The following ROR2 variants were observed in gnomAD, a reference collection of about 807,000 sequenced individuals.
ROR2 encodes the protein ROR family WNT receptor 2, also known as tyrosine-protein kinase transmembrane receptor ROR2.
Under a neutral mutation model 74.9 loss-of-function variants are expected in ROR2, and 33 were observed. The ratio of observed to expected loss-of-function variants is 0.44; its 90% CI spans 0.33 to 0.59. The LOEUF (loss-of-function observed/expected upper bound fraction) is 0.59, where lower values mean the gene tolerates loss of function less well. ROR2 is among the 20% of genes least tolerant of loss of function. The pLI is 0.02. For missense variants in ROR2, 1,216 were observed against 1,313.8 expected, an observed-to-expected ratio of 0.93 and a Z score of 1.15; for synonymous variants, 586 against 558.7, an observed-to-expected ratio of 1.05 and a Z score of -0.69.
At chr9:91,819,729 T>C (rs1431489044) in intron 1 of ROR2, among the ~76,000 whole-genome samples, 3 of 151,552 alleles carry the variant, frequency 2.0e-5, no homozygotes, top group Non-Finnish European at 4.4e-5. Context: ...CTTTTGAGTA[T>C]GTATCTGTGT....
intron 1 of ROR2, among the ~76,000 whole-genome samples, chr9:91,825,765 G>A (rs1226238977): frequency 6.6e-6 from 1 of 152,108 alleles, no homozygotes; most frequent in Non-Finnish European, 1.5e-5. Context: ...GTGGGGGAGG[G>A]TAGGATGGAC....
chr9:91,873,181 A>C (rs1418725406), intron 1 of ROR2, among the ~76,000 whole-genome samples: 2 of 129,838 alleles, frequency 1.5e-5, no homozygotes. Flanking sequence ...CTTGAACTTA[A>C]CATAAAACTG....
At chr9:91,767,506 A>C (rs1826095986) in intron 2 of ROR2, among the ~76,000 whole-genome samples, 1 of 152,224 alleles carries the variant, frequency 6.6e-6, no homozygotes, top group South Asian at 2.1e-4. Flanking sequence ...TACATATTAG[A>C]GATCATGAGG....
chr9:91,889,880 G>T (rs960221405), intron 1 of ROR2, among the ~76,000 whole-genome samples: 2 of 152,284 alleles, frequency 1.3e-5, no homozygotes, highest in East Asian at 1.9e-4. Flanking sequence ...ACAGCAAAAG[G>T]CTCCAGAATA....
chr9:91,924,173 G>T (rs1172930224), intron 1 of ROR2, among the ~76,000 whole-genome samples: 1 of 152,226 alleles, frequency 6.6e-6, no homozygotes. Flanking sequence ...TTGAGGGCAA[G>T]GTCTTTGTCC....
chr9:91,911,933 CAAAAAAAAAA>C (rs747087662), intron 1 of ROR2, among the ~76,000 whole-genome samples: 9 of 76,396 alleles, frequency 1.2e-4, no homozygotes, highest in Non-Finnish European at 1.8e-4. Context: ...TGAGTCTAAG[CAAAAAAAAAA>C]AAAAAAAAAA....
At chr9:91,876,277 G>A (rs190405513) in intron 1 of ROR2, among the ~76,000 whole-genome samples, 1 of 152,126 alleles carries the variant, frequency 6.6e-6, no homozygotes, top group East Asian at 1.9e-4. Flanking sequence ...ACTGAGGCAG[G>A]AGAATCACTT....
chr9:91,898,016 C>T (rs1329377282), intron 1 of ROR2, among the ~76,000 whole-genome samples: 6 of 152,152 alleles, frequency 3.9e-5, no homozygotes, highest in Non-Finnish European at 8.8e-5. Flanking sequence ...CCATCCTGAC[C>T]TTGCCACGGC....
chr9:91,724,572 T>G lies in ROR2; in HGVS notation c.1922A>C (p.Tyr641Ser). The G allele has an allele frequency of 6.2e-7, 1 of 1,614,212 alleles. No individual in the cohort carries two copies. The highest frequency in any genetic ancestry group is 8.5e-7 in the Non-Finnish European group (1 of 1,180,036). Residue 641 changes from tyrosine to serine, a missense_variant, in exon 9 of 9, where the codon TAT becomes TCT. Tyr to Ser is a moderately radical substitution (Grantham distance 144). Coordinates refer to ENST00000375708, the MANE Select transcript of ROR2 (RefSeq NM_004560.4). ...ISDLGLFREVYAADYYKLLGN... is the reference protein window; with the variant it reads ...ISDLGLFREVSAADYYKLLGN... The stretch of plus-strand genomic sequence containing the variant: ...CAGCAGCTTGTAGTAATCGGCGGCA[T>G]ACACCTCTCGGAAGAGGCCCAAGTC...
intron 1 of ROR2, among the ~76,000 whole-genome samples, chr9:91,828,736 C>T (rs73515182): frequency 0.021 from 3,131 of 152,182 alleles, 118 homozygotes; most frequent in African/African-American, 0.071. Context: ...AAATAAAGCA[C>T]ATATTCTCTT....
At chr9:91,842,756 G>A (rs985794421) in intron 1 of ROR2, among the ~76,000 whole-genome samples, 12 of 152,164 alleles carry the variant, frequency 7.9e-5, no homozygotes, top group African/African-American at 2.2e-4. Flanking sequence ...CTCCTTTCCC[G>A]AGAGCCCAGA....
intron 1 of ROR2, among the ~76,000 whole-genome samples, chr9:91,875,040 G>A (rs1829918074): frequency 6.6e-6 from 1 of 152,044 alleles, no homozygotes; most frequent in African/African-American, 2.4e-5. Flanking sequence ...ACACTTACAT[G>A]ATCTAAATGG....
At position 91,938,007 on chromosome 9, in the gene ROR2, C is replaced by T. The variant is rs550357776; in HGVS notation, c.97+11860G>A. On this transcript the variant is annotated intron_variant, in intron 1 of 8. Transcript: ENST00000375708. ...TGCTGGGATTACAGGCAAGGGCCATCGTGCCCAGCCTGAATTCTATTAATG... is the reference window on the plus strand; with the variant it reads ...TGCTGGGATTACAGGCAAGGGCCATTGTGCCCAGCCTGAATTCTATTAATG... Among the ~76,000 whole-genome samples the T allele has an allele frequency of 1.4e-4, 21 of 152,326 alleles. No individual in the cohort carries two copies. In the East Asian group the frequency reaches 3.9e-3, roughly 28 times the overall value.
intron 1 of ROR2, among the ~76,000 whole-genome samples, chr9:91,831,710 G>A (rs1241829296): frequency 6.6e-6 from 1 of 152,192 alleles, no homozygotes; most frequent in Admixed American, 6.5e-5. Context: ...AGCTACTTGG[G>A]AGGCTGAGGC....
chr9:91,857,582 T>C (rs761023159), intron 1 of ROR2, among the ~76,000 whole-genome samples: 2 of 152,222 alleles, frequency 1.3e-5, no homozygotes, highest in Non-Finnish European at 2.9e-5. Context: ...GAGCAGTGCC[T>C]GACTGCGTCA....
intron 1 of ROR2, among the ~76,000 whole-genome samples, chr9:91,918,005 C>A (rs1223073373): frequency 6.6e-6 from 1 of 152,050 alleles, no homozygotes; most frequent in Non-Finnish European, 1.5e-5. Context: ...GGCGCGGTGG[C>A]TCACACCTGT....
chr9:91,858,790 T>C (rs902702130), intron 1 of ROR2, among the ~76,000 whole-genome samples: 2 of 152,164 alleles, frequency 1.3e-5, no homozygotes, highest in Non-Finnish European at 2.9e-5. Context: ...AACCAAGTCA[T>C]GTAATCTCCA....
intron 1 of ROR2, among the ~76,000 whole-genome samples, chr9:91,938,796 CT>C (rs1831771540): frequency 6.6e-6 from 1 of 152,220 alleles, no homozygotes. Flanking sequence ...CCCATATTGA[CT>C]TGCATTTGTA....
intron 1 of ROR2, among the ~76,000 whole-genome samples, chr9:91,815,052 C>A (rs1311574761): frequency 6.6e-6 from 1 of 152,102 alleles, no homozygotes; most frequent in Admixed American, 6.5e-5. Flanking sequence ...GAAAACAGGA[C>A]ACAGAAAAAT....
Sources: gnomAD v4.1 joint callset for allele counts (sites outside exome capture counted in the v4.1 genomes callset) on GRCh38, gnomAD v4.1.1 for gene constraint, MANE v1.5 for transcripts, NCBI Gene and HGNC (gene_info 2026-07-23, HGNC 2026-07-21) for gene names.